Variants in KBTBD8 observed in about 807,000 individuals in gnomAD.
KBTBD8 encodes the protein kelch repeat and BTB domain-containing protein 8.
KBTBD8 carries 31 observed loss-of-function variants against 53.5 expected under a neutral mutation model. That is an observed-to-expected ratio of 0.58 (90% CI 0.44 to 0.78). The LOEUF is 0.78. Ranked by LOEUF, KBTBD8 falls within the 30% of genes least tolerant of loss-of-function variation. The probability of loss-of-function intolerance (pLI) is 0.00; values close to 1 mark genes in which losing one functional copy is unlikely to be tolerated. For missense variants in KBTBD8, 642 were observed against 735.8 expected (o/e 0.87, Z 1.48); for synonymous variants, 250 against 247.3 (o/e 1.01, Z -0.10).
chr3:67,001,804 T>G (rs1702020785), intron 2 of KBTBD8, among the ~76,000 whole-genome samples: 1 of 152,246 alleles, frequency 6.6e-6, no homozygotes, highest in African/African-American at 2.4e-5. Context: ...CCTCCAGTGT[T>G]TCTCATACTG....
chr3:67,003,958 G>C lies in KBTBD8; in HGVS notation c.991G>C (p.Val331Leu). The C allele has an allele frequency of 6.2e-7, 1 of 1,614,106 alleles. No individual in the cohort carries two copies. The highest frequency in any genetic ancestry group is 8.5e-7 in the Non-Finnish European group (1 of 1,180,018). ...PNDLREVGIL[V>L]SPDNDIYIAG... ...TGACCTGAGAGAAGTTGGGATTCTT[G>C]TATCACCAGATAATGACATTTACAT... Residue 331 changes from valine to leucine, a missense_variant, in exon 3 of 4, where the codon GTA (valine) becomes CTA (leucine). Physicochemically the swap from Val to Leu is conservative, Grantham distance 32. Coordinates refer to ENST00000417314, the MANE Select transcript of KBTBD8 (RefSeq NM_032505.3).
intron 2 of KBTBD8, among the ~76,000 whole-genome samples, chr3:67,000,583 C>A (rs1043753317): frequency 6.6e-6 from 1 of 152,090 alleles, no homozygotes; most frequent in African/African-American, 2.4e-5. Flanking sequence ...ATCATCTATC[C>A]AACAAGTAAA....
chr3:67,009,483 G>C lies in KBTBD8; in HGVS notation c.*1098G>C, dbSNP rs1025103419. On this transcript the variant is annotated 3_prime_UTR_variant, in exon 4 of 4. Transcript: ENST00000417314. ...GCTTTCCAGAAACAAAATTCCTGCAGTGGTCTAATTTAATGTCTTTAAGTT... is the reference window on the plus strand; with the variant it reads ...GCTTTCCAGAAACAAAATTCCTGCACTGGTCTAATTTAATGTCTTTAAGTT... 6.6e-6 allele frequency: 1 copy of C among 152,514 alleles called. No individual in the cohort carries two copies. The highest frequency in any genetic ancestry group is 1.5e-5 in the Non-Finnish European group (1 of 68,000). The allele number at this position is 152,514 out of a possible 1,614,324, so 9.4% of individuals were successfully genotyped here.
At chr3:67,005,312 A>T (rs753505113) in intron 3 of KBTBD8, among the ~76,000 whole-genome samples, 3 of 152,218 alleles carry the variant, frequency 2.0e-5, no homozygotes, top group Non-Finnish European at 4.4e-5. Context: ...GTTTTGGTCA[A>T]TGATGGATCA....
At chr3:67,000,151 C>G (rs1702004625) in intron 2 of KBTBD8, among the ~76,000 whole-genome samples, 1 of 152,196 alleles carries the variant, frequency 6.6e-6, no homozygotes, top group African/African-American at 2.4e-5. Flanking sequence ...AATGTTCCAA[C>G]AGTAGTTTCT....
intron 3 of KBTBD8, among the ~76,000 whole-genome samples, chr3:67,007,716 G>A (rs1559557554): frequency 6.6e-6 from 1 of 152,004 alleles, no homozygotes; most frequent in Non-Finnish European, 1.5e-5. Flanking sequence ...AATATTATCT[G>A]TTATATTGTG....
In KBTBD8 at chr3:67,008,806, T is replaced by C. The variant is rs1165898925; in HGVS notation, c.*421T>C. 2 of 167,970 alleles carry C rather than the reference T, an allele frequency of 1.2e-5. No homozygotes were observed. Among genetic ancestry groups the C allele is most frequent in the Non-Finnish European group, 2.6e-5 (2 of 75,880 alleles). 10.4% of individuals were successfully genotyped at this position (167,970 alleles called of 1,614,324 possible). ...GGCAATATCACTAGGACTTTAGCTG[T>C]GACCTCTCTAACACAGAGAAGCACT... is the stretch of plus-strand genomic sequence containing the variant. On this transcript the variant is annotated 3_prime_UTR_variant, in exon 4 of 4. Transcript: ENST00000417314.
chr3:67,008,398 C>A lies in KBTBD8; in HGVS notation c.*13C>A, dbSNP rs745936712. The A allele has an allele frequency of 1.0e-5, 16 of 1,525,176 alleles. No individual in the cohort carries two copies. The highest frequency in any genetic ancestry group is 1.4e-5 in the African/African-American group (1 of 72,910). 94.5% of individuals were successfully genotyped at this position (1,525,176 alleles called of 1,614,324 possible). A position where few individuals can be genotyped will look rare whatever the true frequency, so the allele number is the denominator to read the frequency against. ...GAAAGTACTCTAAATGAGTAGCAGG[C>A]CTTAGTGCATCACTGGCATCTCATT... On this transcript the variant is annotated 3_prime_UTR_variant, in exon 4 of 4. Coordinates refer to ENST00000417314, the MANE Select transcript of KBTBD8 (RefSeq NM_032505.3).
rs770042177 is a variant in KBTBD8, at chr3:67,008,403, G to A, written c.*18G>A. The A allele has an allele frequency of 6.1e-5, 91 of 1,488,508 alleles. No homozygotes were observed. The highest frequency in any genetic ancestry group is 8.2e-5 in the Non-Finnish European group (89 of 1,080,726). The allele number at this position is 1,488,508 out of a possible 1,614,324, so 92.2% of individuals were successfully genotyped here. ...TACTCTAAATGAGTAGCAGGCCTTA[G>A]TGCATCACTGGCATCTCATTCTTAG... On this transcript the variant is annotated 3_prime_UTR_variant, in exon 4 of 4. Coordinates refer to ENST00000417314, the MANE Select transcript of KBTBD8 (RefSeq NM_032505.3).
At position 67,010,016 on chromosome 3, in the gene KBTBD8, A is replaced by C. The variant is rs765749855; in HGVS notation, c.*1631A>C. The C allele has an allele frequency of 6.6e-6, 1 of 152,632 alleles. No individual in the cohort carries two copies. Among genetic ancestry groups the C allele is most frequent in the Non-Finnish European group, 1.5e-5 (1 of 67,992 alleles). 9.5% of individuals were successfully genotyped at this position (152,632 alleles called of 1,614,324 possible). ...TCTACAAGTAGGGAATGTTTTCTGA[A>C]GCAGAAGTTAAAATGGACAGCATTT... On this transcript the variant is annotated 3_prime_UTR_variant, in exon 4 of 4. Transcript: ENST00000417314.
At chr3:66,998,841 G>A in intron 1 of KBTBD8, 140 bp from the exon 2 acceptor site, 1 of 675,486 alleles carries the variant, frequency 1.5e-6, no homozygotes, top group Non-Finnish European at 2.6e-6. Flanking sequence ...GGTCCCACGA[G>A]GTCGTGCGTA....
Position 67,003,571 on chromosome 3 carries a change from A to G in KBTBD8, c.604A>G (p.Ser202Gly). The G allele has an allele frequency of 1.2e-6, 2 of 1,613,988 alleles. No individual in the cohort carries two copies. The highest frequency in any genetic ancestry group is 1.7e-6 in the Non-Finnish European group (2 of 1,179,848). Residue 202 changes from serine to glycine, a missense_variant, in exon 3 of 4, where the codon AGT (serine) becomes GGT (glycine). By Grantham distance (56) the Ser-to-Gly change is moderately conservative. Transcript: ENST00000417314. ...TKDQLISILDSDDLNVDREEH... is the reference protein window; with the variant it reads ...TKDQLISILDGDDLNVDREEH... Reference sequence around the variant, plus strand: ...AGACCAACTGATAAGTATACTAGACAGTGACGATTTAAATGTAGACCGAGA... The same window carrying G: ...AGACCAACTGATAAGTATACTAGACGGTGACGATTTAAATGTAGACCGAGA...
In KBTBD8 at chr3:67,007,897, C is replaced by G. The variant is rs746565864; in HGVS notation, c.1343-25C>G. On this transcript the variant is annotated intron_variant, in intron 3 of 3. Coordinates refer to ENST00000417314, the MANE Select transcript of KBTBD8 (RefSeq NM_032505.3). ...AACCAAACATAAAAATTTACATATT[C>G]TTGTTTTCTTTTTTTTTTTTTTAGG... The G allele has an allele frequency of 3.8e-6, 5 of 1,299,350 alleles. No homozygotes were observed. The East Asian group carries it at 7.0e-5, about 18-fold the overall frequency. The allele number at this position is 1,299,350 out of a possible 1,614,324, so 80.5% of individuals were successfully genotyped here.
intron 2 of KBTBD8, among the ~76,000 whole-genome samples, chr3:67,002,509 A>ATTTT (rs1702026169): frequency 1.1e-5 from 1 of 91,454 alleles, no homozygotes; most frequent in Admixed American, 1.3e-4. Context: ...CTTTATAGGT[A>ATTTT]TTCTTTTTTT....
chr3:67,007,774 ATC>A, intron 3 of KBTBD8, 146 bp from the exon 4 acceptor site: 1 of 556,406 alleles, frequency 1.8e-6, no homozygotes, highest in Non-Finnish European at 3.1e-6. Context: ...ATATGAATGT[ATC>A]TCTGGAGATT....
chr3:67,000,770 T>C (rs991336310), intron 2 of KBTBD8, among the ~76,000 whole-genome samples: 1 of 152,120 alleles, frequency 6.6e-6, no homozygotes, highest in African/African-American at 2.4e-5. Context: ...GTCTATATCT[T>C]ACTGAAATTT....
At position 67,003,554 on chromosome 3, in the gene KBTBD8, T is replaced by G; in HGVS notation, c.587T>G (p.Leu196Arg). ...QEFLQLTKDQ[L>R]ISILDSDDLN... ...TTTCTCCAGTTGACAAAAGACCAAC[T>G]GATAAGTATACTAGACAGTGACGAT... The change falls in exon 3 of 4, where the codon CTG (leucine) becomes CGG (arginine). Residue 196 changes from leucine (L) to arginine (R), a missense_variant. Physicochemically the swap from Leu to Arg is moderately radical, Grantham distance 102. Transcript: ENST00000417314. 6.2e-7 allele frequency: 1 copy of G among 1,614,130 alleles called. No homozygotes were observed. Among genetic ancestry groups the G allele is most frequent in the Non-Finnish European group, 8.5e-7 (1 of 1,179,984 alleles).
rs769866235 is a variant in KBTBD8 at position 67,003,741 on chromosome 3, A to C, written c.774A>C (p.Ala258=). The C allele has an allele frequency of 1.2e-6, 2 of 1,614,154 alleles. No individual in the cohort carries two copies. The highest frequency in any genetic ancestry group is 2.2e-5 in the East Asian group (1 of 44,882). ...TFIEKIPPQF[A]QAIAKSCVEK... is the part of the protein sequence containing the mutation. ...TAGAGAAAATTCCACCTCAGTTTGCACAGGCTATAGCCAAAAGCTGTGTAG... is the reference window on the plus strand; with the variant it reads ...TAGAGAAAATTCCACCTCAGTTTGCCCAGGCTATAGCCAAAAGCTGTGTAG... The change falls in exon 3 of 4, where the codon GCA becomes GCC. Residue 258 remains alanine (A), a synonymous_variant. Transcript: ENST00000417314.
At chr3:67,001,732 A>G (rs1451448150) in intron 2 of KBTBD8, among the ~76,000 whole-genome samples, 3 of 152,244 alleles carry the variant, frequency 2.0e-5, no homozygotes, top group Admixed American at 1.3e-4. Flanking sequence ...TAAAATGTAC[A>G]TTGTAGAAGT....
Sources: gnomAD v4.1 joint callset for allele counts (sites outside exome capture counted in the v4.1 genomes callset) on GRCh38, gnomAD v4.1.1 for gene constraint, MANE v1.5 for transcripts, NCBI Gene and HGNC (gene_info 2026-07-23, HGNC 2026-07-21) for gene names.